Variants in NPAS3 observed in about 807,000 individuals in gnomAD.
NPAS3 encodes neuronal PAS domain-containing protein 3.
NPAS3 carries 14 observed loss-of-function variants against 73.1 expected under a neutral mutation model. The observed-to-expected ratio is 0.19, with a 90% CI of 0.13 to 0.30. The LOEUF is 0.30. Among genes scored for constraint, NPAS3 ranks in the 10% least tolerant of loss-of-function variants. The pLI is 1.00. For synonymous variants in NPAS3, 620 were observed against 541.5 expected, an observed-to-expected ratio of 1.14 and a Z score of -2.01; for missense variants, 1,096 against 1,250.0, an observed-to-expected ratio of 0.88 and a Z score of 1.86.
At chr14:33,419,993 C>T (rs1420821910) in intron 4 of NPAS3, among the ~76,000 whole-genome samples, 1 of 151,848 alleles carries the variant, frequency 6.6e-6, no homozygotes, top group African/African-American at 2.4e-5. Flanking sequence ...CTTTAAAATG[C>T]AAGGTATTTG....
intron 1 of NPAS3, among the ~76,000 whole-genome samples, chr14:33,012,764 G>A (rs1471391944): frequency 1.3e-5 from 2 of 152,084 alleles, no homozygotes; most frequent in Non-Finnish European, 2.9e-5. Flanking sequence ...TCCCCAGGCT[G>A]GTCTCGAACT....
At chr14:33,698,519 G>A (rs1021795376) in intron 6 of NPAS3, among the ~76,000 whole-genome samples, 1 of 152,088 alleles carries the variant, frequency 6.6e-6, no homozygotes, top group Non-Finnish European at 1.5e-5. Flanking sequence ...AATATCTTAC[G>A]TTGTAAAATA....
chr14:33,709,229 G>A (rs759716241), intron 6 of NPAS3, among the ~76,000 whole-genome samples: 5 of 152,172 alleles, frequency 3.3e-5, no homozygotes, highest in Non-Finnish European at 5.9e-5. Flanking sequence ...TACCCTGCGC[G>A]CGTAAGTCAG....
At chr14:33,184,412 G>C (rs1347330819) in intron 2 of NPAS3, among the ~76,000 whole-genome samples, 3 of 152,116 alleles carry the variant, frequency 2.0e-5, no homozygotes, top group African/African-American at 4.8e-5. Context: ...AGCAGGAGCT[G>C]GTTCATACGA....
At chr14:33,521,905 C>T (rs547638211) in intron 4 of NPAS3, among the ~76,000 whole-genome samples, 1 of 152,224 alleles carries the variant, frequency 6.6e-6, no homozygotes, top group African/African-American at 2.4e-5. Flanking sequence ...TTCTTTTCCT[C>T]TCAGTTTACA....
chr14:33,569,055 T>A (rs990547394), intron 5 of NPAS3, among the ~76,000 whole-genome samples: 1 of 152,244 alleles, frequency 6.6e-6, no homozygotes, highest in African/African-American at 2.4e-5. Context: ...TGTTTCTTTC[T>A]GATATGGCTT....
chr14:33,325,103 G>A (rs1461386647), intron 3 of NPAS3, among the ~76,000 whole-genome samples: 6 of 152,082 alleles, frequency 3.9e-5, no homozygotes, highest in Non-Finnish European at 5.9e-5. Flanking sequence ...TGTGGATAGC[G>A]GCTAGGTAAG....
intron 4 of NPAS3, among the ~76,000 whole-genome samples, chr14:33,409,984 T>C (rs1033552818): frequency 2.6e-5 from 4 of 152,172 alleles, no homozygotes; most frequent in Non-Finnish European, 5.9e-5. Context: ...CTGTGGATGA[T>C]TGAAATACTC....
chr14:33,662,768 A>G (rs2059343956), intron 5 of NPAS3, among the ~76,000 whole-genome samples: 2 of 151,262 alleles, frequency 1.3e-5, no homozygotes, highest in African/African-American at 4.9e-5. Context: ...ATTGGTGTAT[A>G]GGAATGCTTG....
chr14:33,503,375 T>C (rs917252833), intron 4 of NPAS3, among the ~76,000 whole-genome samples: 5 of 151,908 alleles, frequency 3.3e-5, no homozygotes, highest in African/African-American at 1.2e-4. Context: ...GTTCATGCCA[T>C]TGAATGGTTT....
chr14:33,489,773 T>C (rs1228071842), intron 4 of NPAS3, among the ~76,000 whole-genome samples: 1 of 152,094 alleles, frequency 6.6e-6, no homozygotes, highest in Non-Finnish European at 1.5e-5. Flanking sequence ...TAGGGGGAGA[T>C]GATTAGATTG....
At chr14:33,500,718 C>T (rs940933442) in intron 4 of NPAS3, among the ~76,000 whole-genome samples, 1 of 151,974 alleles carries the variant, frequency 6.6e-6, no homozygotes, top group Non-Finnish European at 1.5e-5. Context: ...TGGGCTCTCA[C>T]TTTCTGAGGC....
chr14:33,201,486 T>G (rs572887281), intron 2 of NPAS3, among the ~76,000 whole-genome samples: 1 of 152,324 alleles, frequency 6.6e-6, no homozygotes, highest in South Asian at 2.1e-4. Context: ...GCCTGATAAC[T>G]CAAAAGGACA....
chr14:33,589,255 C>G (rs776402116), intron 5 of NPAS3, among the ~76,000 whole-genome samples: 3 of 152,090 alleles, frequency 2.0e-5, no homozygotes, highest in East Asian at 3.9e-4. Context: ...GTCACTTAGA[C>G]AAGAACCGTC....
At chr14:33,752,316 G>C (rs1161898615) in intron 7 of NPAS3, among the ~76,000 whole-genome samples, 1 of 151,848 alleles carries the variant, frequency 6.6e-6, no homozygotes, top group Non-Finnish European at 1.5e-5. Flanking sequence ...TCAAATGCAC[G>C]TACTTCTGTC....
At chr14:33,026,533 CT>C (rs566846054) in intron 1 of NPAS3, among the ~76,000 whole-genome samples, 7,334 of 143,006 alleles carry the variant, frequency 0.051, 448 homozygotes, top group African/African-American at 0.16. Context: ...AGTGATTTTC[CT>C]TTTTTTTTTT....
chr14:33,580,881 C>T (rs1168398301), intron 5 of NPAS3, among the ~76,000 whole-genome samples: 3 of 152,062 alleles, frequency 2.0e-5, no homozygotes, highest in African/African-American at 7.2e-5. Flanking sequence ...AGAAATTCCC[C>T]TATTTCTCTA....
At chr14:32,998,920 C>G (rs539709850) in intron 1 of NPAS3, among the ~76,000 whole-genome samples, 2 of 152,244 alleles carry the variant, frequency 1.3e-5, no homozygotes, top group Admixed American at 1.3e-4. Flanking sequence ...CCTCAAAGCC[C>G]CTTCGCACTG....
intron 1 of NPAS3, among the ~76,000 whole-genome samples, chr14:32,969,513 A>G (rs1002129528): frequency 6.6e-6 from 1 of 152,166 alleles, no homozygotes; most frequent in African/African-American, 2.4e-5. Flanking sequence ...CATTTTATAT[A>G]AAAAGGTCTG....
Sources: gnomAD v4.1 joint callset for allele counts (sites outside exome capture counted in the v4.1 genomes callset) on GRCh38, gnomAD v4.1.1 for gene constraint, MANE v1.5 for transcripts, NCBI Gene and HGNC (gene_info 2026-07-23, HGNC 2026-07-21) for gene names.